DTL: variants seen among roughly 807,000 people sequenced by gnomAD.
DTL encodes the protein denticleless E3 ubiquitin protein ligase adapter.
Under a neutral mutation model 87.0 loss-of-function variants are expected in DTL, and 46 were observed. The ratio of observed to expected loss-of-function variants is 0.53; its 90% CI spans 0.42 to 0.68. The LOEUF (loss-of-function observed/expected upper bound fraction) is 0.68, where lower values mean the gene tolerates loss of function less well. Among genes scored for constraint, DTL ranks in the 30% least tolerant of loss-of-function variants. DTL has a pLI of 0.00. For synonymous variants in DTL, 308 were observed against 311.2 expected (o/e 0.99, Z 0.11); for missense variants, 737 against 869.4 (o/e 0.85, Z 1.91).
chr1:212,050,283 C>T lies in DTL; in HGVS notation c.460+2866C>T, dbSNP rs548626346. 8.5e-5 allele frequency among the ~76,000 whole-genome samples: 13 copies of T among 152,202 alleles called. No homozygotes were observed. In the South Asian group the frequency reaches 2.7e-3, roughly 32 times the overall value. ...TAGTATGGTAGAAAACATCTTTGGT[C>T]CAGTTCCTTCCACCCTACATAGGTA... On this transcript the variant is annotated intron_variant, in intron 5 of 14. Coordinates refer to ENST00000366991, the MANE Select transcript of DTL (RefSeq NM_016448.4).
intron 5 of DTL, 91 bp downstream of exon 5, chr1:212,047,508 A>G: frequency 6.8e-7 from 1 of 1,478,560 alleles, no homozygotes; most frequent in East Asian, 2.3e-5. Flanking sequence ...TTCCCCTGTC[A>G]AAGTTACTGC....
intron 1 of DTL, among the ~76,000 whole-genome samples, chr1:212,039,630 A>G (rs994579042): frequency 6.6e-6 from 1 of 152,212 alleles, no homozygotes; most frequent in Non-Finnish European, 1.5e-5. Context: ...TGATTTTATC[A>G]TTGTGCAAAC....
chr1:212,059,246 G>C (rs1432438061), intron 5 of DTL, among the ~76,000 whole-genome samples: 1 of 150,910 alleles, frequency 6.6e-6, no homozygotes, highest in Non-Finnish European at 1.5e-5. Flanking sequence ...AGAACATACG[G>C]ACATAGATGC....
At chr1:212,053,563 AT>A (rs1206730771) in intron 5 of DTL, among the ~76,000 whole-genome samples, 3 of 149,822 alleles carry the variant, frequency 2.0e-5, no homozygotes, top group South Asian at 2.1e-4. Flanking sequence ...AAGTGTATAT[AT>A]TTTTTTCTTC....
chr1:212,080,741 C>T lies in DTL; in HGVS notation c.1252C>T (p.Pro418Ser). The T allele has an allele frequency of 2.5e-6, 4 of 1,613,456 alleles. No homozygotes were observed. Among genetic ancestry groups the T allele is most frequent in the Non-Finnish European group, 2.5e-6 (3 of 1,179,550 alleles). ...WASQKKKESR[P>S]GLVTVTSSQS... ...CTCTCAGAAGAAAAAAGAGTCAAGA[C>T]CTGGCCTAGGTAAGGATATCATATA... is the stretch of plus-strand genomic sequence containing the variant. Residue 418 changes from proline to serine, a missense_variant, in exon 13 of 15, where the codon CCT becomes TCT. Transcript: ENST00000366991.
At chr1:212,035,972 G>A (rs1667438888) in intron 1 of DTL, 30 bp downstream of exon 1, 2 of 1,611,496 alleles carry the variant, frequency 1.2e-6, no homozygotes, top group Non-Finnish European at 1.7e-6. Context: ...GCTGCTCGGA[G>A]CTGGCGGAAT....
rs926436708 is a variant in DTL at position 212,055,338 on chromosome 1, C to A, written c.461-7546C>A. On this transcript the variant is annotated intron_variant, in intron 5 of 14. Coordinates refer to ENST00000366991, the MANE Select transcript of DTL (RefSeq NM_016448.4). ...TGATGCTCACGGACCCTGAGACTAA[C>A]ATAGGGAGCTGCCTGGAGACTTCAT... is the stretch of plus-strand genomic sequence containing the variant. Among the ~76,000 whole-genome samples, 12 of 152,214 alleles carry A rather than the reference C, an allele frequency of 7.9e-5. 1 individual carries two copies. Among genetic ancestry groups the A allele is most frequent in the Admixed American group, 2.6e-4 (4 of 15,296 alleles).
intron 1 of DTL, among the ~76,000 whole-genome samples, chr1:212,038,784 A>G (rs186876367): frequency 2.0e-5 from 3 of 152,218 alleles, no homozygotes; most frequent in Non-Finnish European, 4.4e-5. Flanking sequence ...ATTGATATCT[A>G]AAAGTTTTTA....
intron 13 of DTL, among the ~76,000 whole-genome samples, chr1:212,099,009 AT>A (rs1655532071): frequency 6.6e-6 from 1 of 152,158 alleles, no homozygotes; most frequent in Non-Finnish European, 1.5e-5. Context: ...TCCTTCCCCA[AT>A]TCCATTGGCT....
rs747284312 is a variant in DTL, at chr1:212,035,846, AT to A, written c.-42del. On this transcript the variant is annotated 5_prime_UTR_variant, in exon 1 of 15. Transcript: ENST00000366991. ...TGCGATTTCTGCTGAACTTGGAGGC[AT>A]TTCTACGACTTTTCTCTCAGCTGAG... 1.9e-6 allele frequency: 3 copies of A among 1,603,202 alleles called. No homozygotes were observed. The highest frequency in any genetic ancestry group is 2.6e-6 in the Non-Finnish European group (3 of 1,170,296).
chr1:212,046,275 G>A (rs958134844), intron 3 of DTL, among the ~76,000 whole-genome samples: 6 of 152,086 alleles, frequency 3.9e-5, no homozygotes, highest in African/African-American at 1.2e-4. Flanking sequence ...GATTTTTTAT[G>A]TGTGCATCTT....
At position 212,068,286 on chromosome 1, in the gene DTL, C is replaced by A; in HGVS notation, c.776C>A (p.Ser259Tyr). 1.2e-6 allele frequency: 2 copies of A among 1,612,440 alleles called. No individual in the cohort carries two copies. Among genetic ancestry groups the A allele is most frequent in the Non-Finnish European group, 1.7e-6 (2 of 1,179,496 alleles). ...GCTTATCGACAAGAACCCATAGCAT[C>A]CAAGTCTTTCCTGTACCCAGGTAGC... ...YTAYRQEPIASKSFLYPGSST... is the reference protein window; with the variant it reads ...YTAYRQEPIAYKSFLYPGSST... The change falls in exon 9 of 15, where the codon TCC (serine) becomes TAC (tyrosine). Residue 259 changes from serine to tyrosine, a missense_variant. Transcript: ENST00000366991.
intron 13 of DTL, among the ~76,000 whole-genome samples, chr1:212,098,969 G>A (rs1316859834): frequency 6.6e-6 from 1 of 152,130 alleles, no homozygotes; most frequent in African/African-American, 2.4e-5. Context: ...TCATTACAAA[G>A]TTCAGCTGAA....
chr1:212,044,676 T>G lies in DTL; in HGVS notation c.195T>G (p.His65Gln), dbSNP rs1405246014. ...CTFSSAPNME[H>Q]VLAVANEEGF... ...CTGCTTTAGCTCCCAATATGGAACATGTACTAGCAGTTGCCAATGAAGAAG... is the reference window on the plus strand; with the variant it reads ...CTGCTTTAGCTCCCAATATGGAACAGGTACTAGCAGTTGCCAATGAAGAAG... The change falls in exon 3 of 15, where the codon CAT (histidine) becomes CAG (glutamine). Residue 65 changes from histidine (H) to glutamine (Q), a missense_variant. Physicochemically the swap from His to Gln is conservative, Grantham distance 24 (BLOSUM62 0). Transcript: ENST00000366991. 2.5e-6 allele frequency: 4 copies of G among 1,608,134 alleles called. No individual in the cohort carries two copies. The African/African-American group carries it at 4.0e-5, about 16-fold the overall frequency.
chr1:212,047,020 AT>A, intron 3 of DTL, 130 bp from the exon 4 acceptor site: 1 of 768,838 alleles, frequency 1.3e-6, no homozygotes, highest in South Asian at 1.7e-5. Context: ...TGTGGTTTTG[AT>A]TTGCATTTCT....
At chr1:212,076,708 C>G (rs1396382533) in intron 11 of DTL, among the ~76,000 whole-genome samples, 1 of 152,156 alleles carries the variant, frequency 6.6e-6, no homozygotes, top group African/African-American at 2.4e-5. Flanking sequence ...ACTTAATCGA[C>G]TGGGGCCATC....
At chr1:212,039,865 G>A (rs1667585952) in intron 1 of DTL, among the ~76,000 whole-genome samples, 1 of 152,198 alleles carries the variant, frequency 6.6e-6, no homozygotes, top group Admixed American at 6.5e-5. Flanking sequence ...TACTATGAAT[G>A]GGAGCTTGCA....
Position 212,100,133 on chromosome 1 carries a change from C to T in DTL, c.1262-119C>T, listed in dbSNP as rs1313489507. ...GTGGTTGGAATCAAGTGATGTATAC[C>T]TACTTACTGGCAAATTGACCCTTAG... On this transcript the variant is annotated intron_variant, in intron 13 of 14. Transcript: ENST00000366991. 38 of 682,210 alleles carry T rather than the reference C, an allele frequency of 5.6e-5. No individual in the cohort carries two copies. The East Asian group carries it at 1.0e-3, about 19-fold the overall frequency. 42.3% of individuals were successfully genotyped at this position (682,210 alleles called of 1,614,324 possible). A position where few individuals can be genotyped will look rare whatever the true frequency, so the allele number is the denominator to read the frequency against.
intron 11 of DTL, 74 bp from the exon 12 acceptor site, chr1:212,078,099 C>T (rs1654885486): frequency 1.4e-5 from 13 of 909,968 alleles, no homozygotes; most frequent in East Asian, 2.5e-5. Context: ...CTAAGACACA[C>T]TTCTGAATTC....
Sources: gnomAD v4.1 joint callset for allele counts (sites outside exome capture counted in the v4.1 genomes callset) on GRCh38, gnomAD v4.1.1 for gene constraint, MANE v1.5 for transcripts, NCBI Gene and HGNC (gene_info 2026-07-23, HGNC 2026-07-21) for gene names.